AANAT: variants seen among roughly 807,000 people sequenced by gnomAD.
AANAT encodes aralkylamine N-acetyltransferase.
AANAT carries 11 observed loss-of-function variants against 15.6 expected under a neutral mutation model. The observed-to-expected ratio is 0.71, with a 90% CI of 0.44 to 1.17. AANAT has a LOEUF of 1.17. Ranked by LOEUF, AANAT falls within the 50% of genes most tolerant of loss-of-function variation. AANAT has a pLI of 0.00. For missense variants in AANAT, 286 were observed against 296.3 expected (o/e 0.97, Z 0.26); for synonymous variants, 139 against 131.5 (o/e 1.06, Z -0.39).
In AANAT at chr17:76,468,768, C is replaced by T. The variant is rs1391638311; in HGVS notation, c.22C>T (p.Pro8Ser). 1.2e-6 allele frequency: 2 copies of T among 1,613,020 alleles called. No individual in the cohort carries two copies. The highest frequency in any genetic ancestry group is 1.7e-5 in the Admixed American group (1 of 59,960). MSTQSTH[P>S]LKPEAPRLPP... ...CAGAATGTCCACGCAGAGCACCCACCCCCTGAAACCTGAGGCCCCACGTCT... is the reference window on the plus strand; with the variant it reads ...CAGAATGTCCACGCAGAGCACCCACTCCCTGAAACCTGAGGCCCCACGTCT... Residue 8 changes from proline (P) to serine (S), a missense_variant, in exon 2 of 4, where the codon CCC becomes TCC. Pro to Ser is a moderately conservative substitution (Grantham distance 74). Coordinates refer to ENST00000392492, the MANE Select transcript of AANAT (RefSeq NM_001088.3).
intron 1 of AANAT, among the ~76,000 whole-genome samples, chr17:76,458,413 T>G (rs1192935663): frequency 6.6e-6 from 1 of 152,188 alleles, no homozygotes; most frequent in Non-Finnish European, 1.5e-5. Flanking sequence ...TTAGTTTTTA[T>G]TTTTGTCATT....
At chr17:76,463,309 C>CTTTTTTTTT (rs60885549), upstream of AANAT, among the ~76,000 whole-genome samples, 6,740 of 111,616 alleles carry the variant, frequency 0.06, 479 homozygotes, top group South Asian at 0.09. Flanking sequence ...GGAAGGATTC[C>CTTTTTTTTT]TTTTTTTTTT....
chr17:76,460,398 T>G (rs1423172415), intron 2 of AANAT, among the ~76,000 whole-genome samples: 1 of 151,994 alleles, frequency 6.6e-6, no homozygotes, highest in Non-Finnish European at 1.5e-5. Context: ...GTGATCCACC[T>G]GCCTCGGCCT....
chr17:76,454,667 A>G (rs2073321434), intron 1 of AANAT, among the ~76,000 whole-genome samples: 1 of 151,428 alleles, frequency 6.6e-6, no homozygotes, highest in Non-Finnish European at 1.5e-5. Context: ...TACTAAAAGT[A>G]CAAAAATTAG....
chr17:76,460,129 A>ATTTTTTT (rs1567863927), intron 2 of AANAT, among the ~76,000 whole-genome samples: 7 of 82,888 alleles, frequency 8.4e-5, no homozygotes, highest in Non-Finnish European at 1.2e-4. Context: ...TACTTCAGGA[A>ATTTTTTT]ATTTTTTTTT....
Position 76,469,265 on chromosome 17 carries a change from G to A in AANAT, c.256G>A (p.Glu86Lys), listed in dbSNP as rs371535966. Residue 86 changes from glutamate (E) to lysine (K), a missense_variant, in exon 3 of 4, where the codon GAG becomes AAG. By Grantham distance (56) the Glu-to-Lys change is moderately conservative. Coordinates refer to ENST00000392492, the MANE Select transcript of AANAT (RefSeq NM_001088.3). This position sits in a 1 kb window ranked among gnomAD's most constrained non-coding sequence, Gnocchi z 5.2. ...TCCAGAGCTGTCCCTGGGCTGGTTC[G>A]AGGAGGGCTGCCTTGTGGCCTTCAT... Reference protein sequence around the residue: ...LCPELSLGWFEEGCLVAFIIG... With the variant: ...LCPELSLGWFKEGCLVAFIIG... 15 of 1,614,058 alleles carry A rather than the reference G, an allele frequency of 9.3e-6. No individual in the cohort carries two copies. Among genetic ancestry groups the A allele is most frequent in the East Asian group, 6.7e-5 (3 of 44,894 alleles).
chr17:76,468,861 T>C lies in AANAT; in HGVS notation c.115T>C (p.Cys39Arg). 3 of 1,613,648 alleles carry C rather than the reference T, an allele frequency of 1.9e-6. No homozygotes were observed. Among genetic ancestry groups the C allele is most frequent in the Non-Finnish European group, 2.5e-6 (3 of 1,179,990 alleles). ...CACACTCCCTGCCAGTGAGTTTCGC[T>C]GCCTCACCCCGGAGGACGCTGTCAG... ...RHTLPASEFR[C>R]LTPEDAVSAF... The change falls in exon 2 of 4, where the codon TGC (cysteine) becomes CGC (arginine). Residue 39 changes from cysteine to arginine, a missense_variant. Physicochemically the swap from Cys to Arg is radical, Grantham distance 180. Coordinates refer to ENST00000392492, the MANE Select transcript of AANAT (RefSeq NM_001088.3).
Position 76,469,735 on chromosome 17 carries a change from T to G in AANAT, c.389T>G (p.Phe130Cys). ...HLHVLAVHRA[F>C]RQQGRGPILL... ...CATGTGCTGGCCGTGCACCGCGCCT[T>G]CCGGCAGCAGGGCAGGGGCCCCATC... is the stretch of plus-strand genomic sequence containing the variant. The change falls in exon 4 of 4, where the codon TTC becomes TGC. Residue 130 changes from phenylalanine to cysteine, a missense_variant. Phe to Cys is a radical substitution (Grantham distance 205). Transcript: ENST00000392492. This position sits in a 1 kb window ranked among gnomAD's most constrained non-coding sequence, Gnocchi z 5.2. The G allele has an allele frequency of 6.4e-7, 1 of 1,559,410 alleles. No individual in the cohort carries two copies.
At chr17:76,458,083 G>A (rs1360626756) in intron 1 of AANAT, among the ~76,000 whole-genome samples, 1 of 152,208 alleles carries the variant, frequency 6.6e-6, no homozygotes, top group Non-Finnish European at 1.5e-5. Context: ...TCAAAGGCCT[G>A]AGAACCTGTA....
At chr17:76,464,957 G>A (rs892281499), upstream of AANAT, among the ~76,000 whole-genome samples, 4 of 151,986 alleles carry the variant, frequency 2.6e-5, no homozygotes, top group African/African-American at 9.7e-5. Context: ...CACCACACCT[G>A]GCTGATTTTT....
intron 1 of AANAT, among the ~76,000 whole-genome samples, chr17:76,454,630 C>G (rs1390444442): frequency 1.3e-5 from 2 of 151,046 alleles, no homozygotes; most frequent in African/African-American, 4.9e-5. Flanking sequence ...CAAGACCGCC[C>G]TGGCCAACAT....
upstream of AANAT, chr17:76,465,764 T>G (rs980580843): frequency 2.4e-5 from 6 of 250,068 alleles, no homozygotes; most frequent in Non-Finnish European, 4.8e-5. Flanking sequence ...GCGATCACCC[T>G]GCCCTCCCCT....
chr17:76,468,828 C>T lies in AANAT; in HGVS notation c.82C>T (p.Arg28Trp), dbSNP rs373005685. 9.3e-6 allele frequency: 15 copies of T among 1,613,370 alleles called. No homozygotes were observed. Among genetic ancestry groups the T allele is most frequent in the Middle Eastern group, 1.6e-4 (1 of 6,084 alleles). ...GATCCCCGAGTCCCCGAGCTGTCAGCGGCGCCACACACTCCCTGCCAGTGA... is the reference window on the plus strand; with the variant it reads ...GATCCCCGAGTCCCCGAGCTGTCAGTGGCGCCACACACTCCCTGCCAGTGA... ...PGIPESPSCQ[R>W]RHTLPASEFR... The change falls in exon 2 of 4, where the codon CGG becomes TGG. Residue 28 changes from arginine to tryptophan, a missense_variant. Physicochemically the swap from Arg to Trp is moderately radical, Grantham distance 101. Coordinates refer to ENST00000392492, the MANE Select transcript of AANAT (RefSeq NM_001088.3).
rs2143977414 is a variant in AANAT at position 76,467,682 on chromosome 17, T to C, written c.-121T>C. The C allele has an allele frequency of 1.0e-6, 1 of 985,484 alleles. No individual in the cohort carries two copies. Among genetic ancestry groups the C allele is most frequent in the Middle Eastern group, 5.2e-4 (1 of 1,914 alleles). The allele number at this position is 985,484 out of a possible 1,614,324, so 61.0% of individuals were successfully genotyped here. A position where few individuals can be genotyped will look rare whatever the true frequency, so the allele number is the denominator to read the frequency against. ...GTGCCTGCGGACAGGCCCCCAGGGC[T>C]AGCGGCTTTGTGGAGGGAACACTGG... On this transcript the variant is annotated 5_prime_UTR_variant, in exon 1 of 4. Coordinates refer to ENST00000392492, the MANE Select transcript of AANAT (RefSeq NM_001088.3).
At chr17:76,460,129 A>ATTTTTTTTTTTTTTTTTTTTTTTTTT (rs1567863927) in intron 2 of AANAT, among the ~76,000 whole-genome samples, 2 of 82,888 alleles carry the variant, frequency 2.4e-5, no homozygotes, top group Non-Finnish European at 2.3e-5. Flanking sequence ...TACTTCAGGA[A>ATTTTTTTTTTTTTTTTTTTTTTTTTT]ATTTTTTTTT....
At chr17:76,458,187 C>A (rs2073356921) in intron 1 of AANAT, among the ~76,000 whole-genome samples, 1 of 152,128 alleles carries the variant, frequency 6.6e-6, no homozygotes, top group Non-Finnish European at 1.5e-5. Flanking sequence ...CAAATCCTTT[C>A]AAGTGCCCCC....
intron 1 of AANAT, among the ~76,000 whole-genome samples, chr17:76,455,338 C>T (rs2073333977): frequency 6.6e-6 from 1 of 152,022 alleles, no homozygotes; most frequent in Non-Finnish European, 1.5e-5. Flanking sequence ...GTAATTCCAG[C>T]TACTTGGGAG....
At chr17:76,463,309 C>CCTTTTTTT (rs2073406936), upstream of AANAT, among the ~76,000 whole-genome samples, 1 of 111,978 alleles carries the variant, frequency 8.9e-6, no homozygotes, top group Non-Finnish European at 1.7e-5. Flanking sequence ...GGAAGGATTC[C>CCTTTTTTT]TTTTTTTTTT....
intron 1 of AANAT, among the ~76,000 whole-genome samples, chr17:76,468,017 C>T (rs2073458092): frequency 6.6e-6 from 1 of 152,032 alleles, no homozygotes; most frequent in South Asian, 2.1e-4. Flanking sequence ...CCCCCGGCTC[C>T]CTCTAACCTC....
Sources: allele counts gnomAD v4.1 joint callset (sites outside exome capture counted in the v4.1 genomes callset), GRCh38; gene constraint gnomAD v4.1.1; non-coding constraint Gnocchi (gnomAD v3.1); transcripts MANE v1.5; gene names NCBI Gene and HGNC (gene_info 2026-07-23, HGNC 2026-07-21).